Variants in AHNAK observed in about 807,000 individuals in gnomAD.
AHNAK encodes the protein AHNAK nucleoprotein, also known as neuroblast differentiation-associated protein AHNAK.
AHNAK carries 23 observed loss-of-function variants against 37.8 expected under a neutral mutation model. The ratio of observed to expected loss-of-function variants is 0.61; its 90% CI spans 0.44 to 0.86. The LOEUF is 0.86. AHNAK is among the 40% of genes least tolerant of loss of function. AHNAK has a pLI of 0.00. For synonymous variants in AHNAK, 2,481 were observed against 2,636.3 expected (o/e 0.94, Z 1.80); for missense variants, 7,411 against 7,319.4 (o/e 1.01, Z -0.46).
rs538987901 is a variant in AHNAK at position 62,518,872 on chromosome 11, A to T, written c.15545T>A (p.Val5182Asp). Residue 5182 changes from valine to aspartate, a missense_variant, in exon 5 of 5, where the codon GTC (valine) becomes GAC (aspartate). Coordinates refer to ENST00000378024, the MANE Select transcript of AHNAK (RefSeq NM_001620.3). The stretch of plus-strand genomic sequence containing the variant: ...AGAAATGCCGAAGGACGGTGTTTTG[A>T]CTTTAGCATCTAGGCCTTCGATGTT... Reference protein sequence around the residue: ...DINIEGLDAKVKTPSFGISAP... With the variant: ...DINIEGLDAKDKTPSFGISAP... 1.2e-6 allele frequency: 2 copies of T among 1,614,154 alleles called. No individual in the cohort carries two copies. The highest frequency in any genetic ancestry group is 8.5e-7 in the Non-Finnish European group (1 of 1,180,038).
rs765185125 is a variant in AHNAK, at chr11:62,531,914, C to T, written c.2503G>A (p.Glu835Lys). 6.2e-7 allele frequency: 1 copy of T among 1,613,712 alleles called. No individual in the cohort carries two copies. Among genetic ancestry groups the T allele is most frequent in the Non-Finnish European group, 8.5e-7 (1 of 1,179,968 alleles). The stretch of plus-strand genomic sequence containing the variant: ...ACCTTTGGCATTGTGACATCATATT[C>T]TCCCTTTACGTTAGGGCCTTTCAGA... ...LHLKGPNVKGEYDVTMPKVES... is the reference protein window; with the variant it reads ...LHLKGPNVKGKYDVTMPKVES... The change falls in exon 5 of 5, where the codon GAA becomes AAA. Residue 835 changes from glutamate to lysine, a missense_variant. Transcript: ENST00000378024.
intron 5 of AHNAK, among the ~76,000 whole-genome samples, chr11:62,470,563 G>A (rs1036728689): frequency 4.0e-5 from 6 of 151,598 alleles, no homozygotes; most frequent in South Asian, 2.1e-4. Flanking sequence ...CCGAGATCGC[G>A]CCACTGCACT....
Position 62,528,259 on chromosome 11 carries a change from A to G in AHNAK, c.6158T>C (p.Met2053Thr). The change falls in exon 5 of 5, where the codon ATG becomes ACG. Residue 2053 changes from methionine (M) to threonine (T), a missense_variant. Met to Thr is a moderately conservative substitution (Grantham distance 81). Coordinates refer to ENST00000378024, the MANE Select transcript of AHNAK (RefSeq NM_001620.3). ...DWHLKMPKMK[M>T]PKFSMPGFKA... Reference sequence around the variant, plus strand: ...GAAGCCAGGCATGCTGAACTTGGGCATTTTCATCTTGGGCATCTTCAGGTG... The same window carrying G: ...GAAGCCAGGCATGCTGAACTTGGGCGTTTTCATCTTGGGCATCTTCAGGTG... 3 of 1,614,030 alleles carry G rather than the reference A, an allele frequency of 1.9e-6. No individual in the cohort carries two copies. The highest frequency in any genetic ancestry group is 2.5e-6 in the Non-Finnish European group (3 of 1,180,004).
downstream of AHNAK, among the ~76,000 whole-genome samples, chr11:62,513,592 T>G (rs1244904695): frequency 2.0e-5 from 3 of 150,444 alleles, no homozygotes; most frequent in Non-Finnish European, 4.4e-5. Context: ...CATCAGGAAC[T>G]GAGGGAGGGC....
chr11:62,517,758 A>G lies in AHNAK; in HGVS notation c.16659T>C (p.Pro5553=), dbSNP rs1182558236. Residue 5553 remains proline (P), a synonymous_variant, in exon 5 of 5, where the codon CCT becomes CCC. Transcript: ENST00000378024. ...VKGPAFNMAS[P]ESDFGINLKG... ...TCAAGTTGATGCCAAAATCTGACTCAGGAGATGCCATATTAAAGGCAGGCC... is the reference window on the plus strand; with the variant it reads ...TCAAGTTGATGCCAAAATCTGACTCGGGAGATGCCATATTAAAGGCAGGCC... 8 of 1,614,082 alleles carry G rather than the reference A, an allele frequency of 5.0e-6. No homozygotes were observed. In the African/African-American group the frequency reaches 8.0e-5, roughly 16 times the overall value.
intron 1 of AHNAK, among the ~76,000 whole-genome samples, chr11:62,538,229 C>T (rs969065279): frequency 2.6e-5 from 4 of 152,182 alleles, no homozygotes; most frequent in Non-Finnish European, 4.4e-5. Flanking sequence ...AGGCACCGCC[C>T]AAGCCCCAGA....
intron 5 of AHNAK, among the ~76,000 whole-genome samples, chr11:62,450,801 G>T (rs925720251): frequency 6.6e-6 from 1 of 152,270 alleles, no homozygotes; most frequent in Non-Finnish European, 1.5e-5. Flanking sequence ...TCTCGCCTTT[G>T]CGTTCTGGGC....
chr11:62,478,867 AT>A (rs1231686220), intron 5 of AHNAK, among the ~76,000 whole-genome samples: 2 of 151,058 alleles, frequency 1.3e-5, no homozygotes, highest in Non-Finnish European at 1.5e-5. Context: ...TGTTTCACTA[AT>A]TTTTTTTGTT....
exon 6 of AHNAK, chr11:62,433,692 C>A (rs1160439515): frequency 9.0e-6 from 6 of 669,198 alleles, no homozygotes; most frequent in Non-Finnish European, 1.3e-5. Context: ...TATGCAGCAG[C>A]CCTCGGTCTG....
Position 62,521,059 on chromosome 11 carries a change from T to C in AHNAK, c.13358A>G (p.Asn4453Ser). Reference sequence around the variant, plus strand: ...CATAGAGATTTTGGGAGCTTTGATGTTCATCTCAGGCATCTTAAATTTGGG... The same window carrying C: ...CATAGAGATTTTGGGAGCTTTGATGCTCATCTCAGGCATCTTAAATTTGGG... ...KGPKFKMPEMNIKAPKISMPD... is the reference protein window; with the variant it reads ...KGPKFKMPEMSIKAPKISMPD... The change falls in exon 5 of 5, where the codon AAC (asparagine) becomes AGC (serine). Residue 4453 changes from asparagine to serine, a missense_variant. Asn to Ser is a conservative substitution (Grantham distance 46). Transcript: ENST00000378024. 1 of 1,614,070 alleles carries C rather than the reference T, an allele frequency of 6.2e-7. No individual in the cohort carries two copies. The highest frequency in any genetic ancestry group is 8.5e-7 in the Non-Finnish European group (1 of 1,179,996).
chr11:62,518,174 T>C lies in AHNAK; in HGVS notation c.16243A>G (p.Thr5415Ala), dbSNP rs11231126. 4.5e-4 allele frequency: 732 copies of C among 1,613,838 alleles called. No homozygotes were observed. The highest frequency in any genetic ancestry group is 1.5e-3 in the Middle Eastern group (9 of 6,062). The change falls in exon 5 of 5, where the codon ACT becomes GCT. Residue 5415 changes from threonine to alanine, a missense_variant. Transcript: ENST00000378024. ...KMKLPQFGIS[T>A]PGSDLHVNAK... ...TTGACGTGCAAGTCGGACCCCGGAG[T>C]AGAGATGCCAAATTGGGGCAGCTTC...
At chr11:62,452,143 G>A (rs1208684172) in intron 5 of AHNAK, among the ~76,000 whole-genome samples, 4 of 152,144 alleles carry the variant, frequency 2.6e-5, no homozygotes, top group African/African-American at 7.2e-5. Context: ...CTGCCTGGCA[G>A]GGCACAAATC....
intron 5 of AHNAK, among the ~76,000 whole-genome samples, chr11:62,456,090 C>A (rs1477729959): frequency 6.6e-6 from 1 of 152,070 alleles, no homozygotes; most frequent in Non-Finnish European, 1.5e-5. Context: ...CAGGGGTACA[C>A]AAGCACAGAG....
At chr11:62,476,289 T>C (rs1261316726) in intron 5 of AHNAK, among the ~76,000 whole-genome samples, 1 of 152,190 alleles carries the variant, frequency 6.6e-6, no homozygotes, top group Non-Finnish European at 1.5e-5. Flanking sequence ...CTTGCTAGGC[T>C]GAGGCAGGAG....
At position 62,520,828 on chromosome 11, in the gene AHNAK, C is replaced by T; in HGVS notation, c.13589G>A (p.Gly4530Glu). ...SMSDIDLNLK[G>E]PKIKGDMDIS... is the part of the protein sequence containing the mutation. ...GTCCATATCTCCTTTTATCTTAGGT[C>T]CTTTCAAATTCAAATCAATGTCACT... is the stretch of plus-strand genomic sequence containing the variant. Residue 4530 changes from glycine (G) to glutamate (E), a missense_variant, in exon 5 of 5, where the codon GGA becomes GAA. Coordinates refer to ENST00000378024, the MANE Select transcript of AHNAK (RefSeq NM_001620.3). 1 of 1,614,136 alleles carries T rather than the reference C, an allele frequency of 6.2e-7. No homozygotes were observed. Among genetic ancestry groups the T allele is most frequent in the South Asian group, 1.1e-5 (1 of 91,078 alleles).
intron 1 of AHNAK, among the ~76,000 whole-genome samples, chr11:62,538,036 G>T (rs1050991354): frequency 1.3e-5 from 2 of 151,992 alleles, no homozygotes; most frequent in African/African-American, 4.8e-5. Flanking sequence ...CTTGTAACAG[G>T]TGGGAGCCTC....
rs1369853924 is a variant in AHNAK at position 62,529,379 on chromosome 11, C to T, written c.5038G>A (p.Gly1680Ser). Residue 1680 changes from glycine to serine, a missense_variant, in exon 5 of 5, where the codon GGT becomes AGT. By Grantham distance (56) the Gly-to-Ser change is moderately conservative (BLOSUM62 0). Coordinates refer to ENST00000378024, the MANE Select transcript of AHNAK (RefSeq NM_001620.3). Reference sequence around the variant, plus strand: ...TCAACATCTGGCACTTTCATTTCACCTTCTACCTTGGGCACAGACACATCC... The same window carrying T: ...TCAACATCTGGCACTTTCATTTCACTTTCTACCTTGGGCACAGACACATCC... Reference protein sequence around the residue: ...DMDVSVPKVEGEMKVPDVDIK... With the variant: ...DMDVSVPKVESEMKVPDVDIK... The T allele has an allele frequency of 1.2e-6, 2 of 1,614,000 alleles. No homozygotes were observed. Among genetic ancestry groups the T allele is most frequent in the South Asian group, 2.2e-5 (2 of 91,070 alleles).
Position 62,523,197 on chromosome 11 carries a change from C to T in AHNAK, c.11220G>A (p.Leu3740=). The T allele has an allele frequency of 1.2e-6, 2 of 1,613,772 alleles. No homozygotes were observed. The highest frequency in any genetic ancestry group is 1.7e-6 in the Non-Finnish European group (2 of 1,179,950). ...GPKFKIPEMH[L]KAPKISMPDI... Reference sequence around the variant, plus strand: ...CAGGCATCGATATTTTGGGAGCCTTCAGGTGCATCTCTGGTATCTTAAATT... The same window carrying T: ...CAGGCATCGATATTTTGGGAGCCTTTAGGTGCATCTCTGGTATCTTAAATT... The change falls in exon 5 of 5, where the codon CTG becomes CTA. Residue 3740 remains leucine (L), a synonymous_variant. Transcript: ENST00000378024.
chr11:62,448,513 G>A (rs1414682754), intron 5 of AHNAK, among the ~76,000 whole-genome samples: 3 of 152,174 alleles, frequency 2.0e-5, no homozygotes, highest in African/African-American at 7.2e-5. Flanking sequence ...GGGGATGTGA[G>A]GGCTGAGGAA....
Sources: allele counts gnomAD v4.1 joint callset (sites outside exome capture counted in the v4.1 genomes callset), GRCh38; gene constraint gnomAD v4.1.1; transcripts MANE v1.5; gene names NCBI Gene and HGNC (gene_info 2026-07-23, HGNC 2026-07-21).